Variants in FBXL4 observed in about 807,000 individuals in gnomAD.
FBXL4 encodes F-box/LRR-repeat protein 4.
A neutral mutation model predicts 58.9 loss-of-function variants in FBXL4; 40 were observed. The observed-to-expected ratio is 0.68, with a 90% CI of 0.53 to 0.88. The LOEUF is 0.88. FBXL4 is among the 40% of genes least tolerant of loss of function. FBXL4 has a pLI of 0.00. For synonymous variants in FBXL4, 263 were observed against 265.5 expected (o/e 0.99, Z 0.09); for missense variants, 676 against 734.4 (o/e 0.92, Z 0.92).
rs558931356 is a variant in FBXL4, at chr6:98,881,895, T to C, written c.1318-1271A>G. 2.6e-5 allele frequency among the ~76,000 whole-genome samples: 4 copies of C among 152,148 alleles called. No individual in the cohort carries two copies. The East Asian group carries it at 7.7e-4, about 29-fold the overall frequency. On this transcript the variant is annotated intron_variant, in intron 7 of 9. Coordinates refer to ENST00000369244, the MANE Select transcript of FBXL4 (RefSeq NM_001278716.2). ...AGGTTCTTCACAATACTTAGCCATG[T>C]TAACTAATTAACAGACAGGAACATA...
intron 5 of FBXL4, among the ~76,000 whole-genome samples, chr6:98,916,281 T>C (rs1772342174): frequency 6.6e-6 from 1 of 152,144 alleles, no homozygotes; most frequent in Non-Finnish European, 1.5e-5. Context: ...GATCTACAAG[T>C]AGAAATACCA....
intron 7 of FBXL4, among the ~76,000 whole-genome samples, chr6:98,882,899 A>C (rs1417227858): frequency 6.6e-6 from 1 of 152,062 alleles, no homozygotes; most frequent in African/African-American, 2.4e-5. Context: ...GTGTTAGAAT[A>C]AACATTCCTT....
Position 98,868,862 on chromosome 6 carries a change from T to C in FBXL4, c.*5416A>G, listed in dbSNP as rs919802323. On this transcript the variant is annotated 3_prime_UTR_variant, in exon 10 of 10. Transcript: ENST00000369244. ...TTTCCTTTCAAAATGTAGTCAAATA[T>C]ACCTTTAACAGTATTCATATGCACA... 2 of 152,224 alleles carry C rather than the reference T, an allele frequency of 1.3e-5. No homozygotes were observed. The highest frequency in any genetic ancestry group is 2.9e-5 in the Non-Finnish European group (2 of 68,038). The allele number at this position is 152,224 out of a possible 1,614,324, so 9.4% of individuals were successfully genotyped here. A position where few individuals can be genotyped will look rare whatever the true frequency, so the allele number is the denominator to read the frequency against.
intron 7 of FBXL4, among the ~76,000 whole-genome samples, chr6:98,881,000 C>T (rs928998685): frequency 2.6e-5 from 4 of 152,066 alleles, no homozygotes; most frequent in South Asian, 4.2e-4. Context: ...AACAAAAAGA[C>T]AAAAAACCCG....
intron 7 of FBXL4, among the ~76,000 whole-genome samples, chr6:98,884,788 A>G (rs1446437063): frequency 3.9e-5 from 6 of 152,154 alleles, no homozygotes; most frequent in Non-Finnish European, 4.4e-5. Flanking sequence ...TTACTTTTCT[A>G]CCATTCCTTC....
chr6:98,913,339 A>C (rs1772180657), intron 5 of FBXL4, among the ~76,000 whole-genome samples: 1 of 152,292 alleles, frequency 6.6e-6, no homozygotes, highest in Middle Eastern at 3.4e-3. Flanking sequence ...ATAGACATCT[A>C]CAGAACTCTC....
chr6:98,898,465 C>A, intron 7 of FBXL4: 3 of 976,638 alleles, frequency 3.1e-6, no homozygotes, highest in Non-Finnish European at 3.6e-6. Context: ...ATTAGCTGGG[C>A]ATGGTGGCAC....
At position 98,876,525 on chromosome 6, in the gene FBXL4, T is replaced by C. The variant is rs146422301; in HGVS notation, c.1390-798A>G. On this transcript the variant is annotated intron_variant, in intron 8 of 9. Transcript: ENST00000369244. ...TATTTCTTTTTGTTCTTTTGTTTAA[T>C]TGTATTTTCAACAAACATCTACGCA... 2.0e-4 allele frequency among the ~76,000 whole-genome samples: 31 copies of C among 152,346 alleles called. 1 individual carries two copies. In the East Asian group the frequency reaches 5.2e-3, roughly 26 times the overall value.
intron 7 of FBXL4, among the ~76,000 whole-genome samples, chr6:98,895,737 TCCC>T (rs1771386962): frequency 6.6e-6 from 1 of 152,198 alleles, no homozygotes; most frequent in Non-Finnish European, 1.5e-5. Context: ...AGTAGCTTTT[TCCC>T]AAACTTTGGG....
At chr6:98,915,218 C>T (rs993246260) in intron 5 of FBXL4, among the ~76,000 whole-genome samples, 3 of 151,388 alleles carry the variant, frequency 2.0e-5, no homozygotes, top group Non-Finnish European at 3.0e-5. Flanking sequence ...TAGGAAGAAT[C>T]AATATCGTGA....
intron 8 of FBXL4, 75 bp downstream of exon 8, chr6:98,880,478 T>C: frequency 8.3e-7 from 1 of 1,198,788 alleles, no homozygotes; most frequent in South Asian, 1.2e-5. Flanking sequence ...GTAGGGTGAG[T>C]CAGGATACAT....
intron 7 of FBXL4, among the ~76,000 whole-genome samples, chr6:98,886,735 C>T (rs1051135386): frequency 3.3e-5 from 5 of 152,162 alleles, no homozygotes; most frequent in Non-Finnish European, 7.3e-5. Flanking sequence ...AGGCTTAGCT[C>T]AGTTCTGACC....
At chr6:98,902,875 A>C (rs1771664568) in intron 6 of FBXL4, among the ~76,000 whole-genome samples, 1 of 152,180 alleles carries the variant, frequency 6.6e-6, no homozygotes, top group Non-Finnish European at 1.5e-5. Flanking sequence ...CAAAGTAATA[A>C]ATCACAAATC....
chr6:98,905,001 T>C (rs556386690), intron 6 of FBXL4, among the ~76,000 whole-genome samples: 24 of 152,228 alleles, frequency 1.6e-4, no homozygotes, highest in Non-Finnish European at 2.8e-4. Flanking sequence ...GGGTGATGTA[T>C]TGCACATGTA....
chr6:98,896,815 A>T, intron 7 of FBXL4: 1 of 981,480 alleles, frequency 1.0e-6, no homozygotes, highest in African/African-American at 1.7e-5. Flanking sequence ...ACCAGAGCTT[A>T]TGCTATCTAG....
At chr6:98,915,516 C>T (rs1410622599) in intron 5 of FBXL4, among the ~76,000 whole-genome samples, 4 of 151,342 alleles carry the variant, frequency 2.6e-5, no homozygotes, top group Non-Finnish European at 4.4e-5. Context: ...AATAACGCCA[C>T]ATATCTACAA....
intron 5 of FBXL4, among the ~76,000 whole-genome samples, chr6:98,912,647 G>A (rs1772139344): frequency 6.6e-6 from 1 of 151,260 alleles, no homozygotes; most frequent in South Asian, 2.1e-4. Flanking sequence ...GTCACCACCA[G>A]GCCTGCCCTA....
At chr6:98,919,019 A>T (rs1043662907) in intron 4 of FBXL4, among the ~76,000 whole-genome samples, 2 of 152,062 alleles carry the variant, frequency 1.3e-5, no homozygotes, top group Non-Finnish European at 2.9e-5. Flanking sequence ...CTAAGTAAAA[A>T]CTGATAATGG....
chr6:98,881,335 TAA>T (rs919023908), intron 7 of FBXL4, among the ~76,000 whole-genome samples: 3 of 152,192 alleles, frequency 2.0e-5, no homozygotes, highest in African/African-American at 7.2e-5. Flanking sequence ...AATATTTTTT[TAA>T]AAAAGTCTGC....
Sources: gnomAD v4.1 joint callset for allele counts (sites outside exome capture counted in the v4.1 genomes callset) on GRCh38, gnomAD v4.1.1 for gene constraint, MANE v1.5 for transcripts, NCBI Gene and HGNC (gene_info 2026-07-23, HGNC 2026-07-21) for gene names.